ASIC2: variants seen among roughly 807,000 people sequenced by gnomAD.
The protein encoded by ASIC2 is acid sensing ion channel subunit 2.
Under a neutral mutation model 57.3 loss-of-function variants are expected in ASIC2, and 25 were observed. That is an observed-to-expected ratio of 0.44 (90% CI 0.32 to 0.61). ASIC2 has a LOEUF of 0.61. Ranked by LOEUF, ASIC2 falls within the 20% of genes least tolerant of loss-of-function variation. The pLI, the probability that ASIC2 is intolerant of heterozygous loss-of-function variation, is 0.06. For synonymous variants in ASIC2, 319 were observed against 307.5 expected, an observed-to-expected ratio of 1.04 and a Z score of -0.39; for missense variants, 641 against 738.1, an observed-to-expected ratio of 0.87 and a Z score of 1.52.
intron 1 of ASIC2, among the ~76,000 whole-genome samples, chr17:33,947,948 T>G (rs969344841): frequency 4.6e-5 from 7 of 152,244 alleles, no homozygotes; most frequent in Non-Finnish European, 1.0e-4. Flanking sequence ...ATGATTTATC[T>G]CTCCTTGATC....
rs748308827 is a variant in ASIC2 at position 33,016,026 on chromosome 17, T to C, written c.1535A>G (p.Lys512Arg). Residue 512 changes from lysine to arginine, a missense_variant, in exon 9 of 10, where the codon AAG becomes AGG. Lys to Arg is a conservative substitution (Grantham distance 26). Around this residue, in one of 3 missense-constraint regions of ASIC2, gnomAD observed 252 missense variants for 319.8 expected, o/e 0.79. Coordinates refer to ENST00000225823, the MANE Select transcript of ASIC2 (RefSeq NM_183377.2). ...CTCTTTGCCAAGCAGGTCTAATAGC[T>C]TCTCTTTGATCAGCTGCAAGAAAAG... ...FDYIYELIKEKLLDLLGKEED... is the reference protein window; with the variant it reads ...FDYIYELIKERLLDLLGKEED... 1.4e-5 allele frequency: 23 copies of C among 1,613,934 alleles called. No homozygotes were observed. In the East Asian group the frequency reaches 4.9e-4, roughly 34 times the overall value.
At chr17:33,816,926 C>A (rs1239533672) in intron 1 of ASIC2, among the ~76,000 whole-genome samples, 1 of 152,248 alleles carries the variant, frequency 6.6e-6, no homozygotes, top group African/African-American at 2.4e-5. Flanking sequence ...CCAGTGATTG[C>A]AGTTAATGCT....
At chr17:33,344,414 G>A (rs187992448) in intron 1 of ASIC2, among the ~76,000 whole-genome samples, 1 of 152,256 alleles carries the variant, frequency 6.6e-6, no homozygotes, top group Non-Finnish European at 1.5e-5. Flanking sequence ...GGGGCACCAG[G>A]AATGTCTGGA....
chr17:33,172,642 G>T lies in ASIC2; in HGVS notation c.709-60575C>A, dbSNP rs1424816925. On this transcript the variant is annotated intron_variant, in intron 1 of 9. Coordinates refer to ENST00000225823, the MANE Select transcript of ASIC2 (RefSeq NM_183377.2). ...GGAGCAATATTTTCTCCCATGCACG[G>T]AACTTCAGAGTTCACGAGAACTTCT... Among the ~76,000 whole-genome samples, 4 of 152,314 alleles carry T rather than the reference G, an allele frequency of 2.6e-5. No individual in the cohort carries two copies. In the South Asian group the frequency reaches 6.2e-4, roughly 24 times the overall value.
At chr17:33,955,397 G>C (rs533720218) in intron 1 of ASIC2, 12 of 152,252 alleles carry the variant, frequency 7.9e-5, no homozygotes, top group African/African-American at 2.9e-4. Flanking sequence ...CTAATAGGGG[G>C]CACTAGAGGA....
intron 1 of ASIC2, among the ~76,000 whole-genome samples, chr17:33,784,426 A>C (rs1911547153): frequency 6.6e-6 from 1 of 152,214 alleles, no homozygotes; most frequent in Admixed American, 6.5e-5. Context: ...ACCAAGCTTC[A>C]GAAACACTAA....
At chr17:33,607,989 C>T (rs548024759) in intron 1 of ASIC2, among the ~76,000 whole-genome samples, 13 of 152,278 alleles carry the variant, frequency 8.5e-5, no homozygotes, top group African/African-American at 3.1e-4. Context: ...TACCCATGGG[C>T]TGTCAGGACA....
At chr17:33,999,458 C>T (rs1042470131) in intron 1 of ASIC2, among the ~76,000 whole-genome samples, 36 of 151,908 alleles carry the variant, frequency 2.4e-4, no homozygotes, top group Admixed American at 2.2e-3. Flanking sequence ...CTCTGGTTGT[C>T]GTCTTTCATG....
At chr17:34,031,651 G>A (rs1907617235) in intron 1 of ASIC2, among the ~76,000 whole-genome samples, 1 of 152,172 alleles carries the variant, frequency 6.6e-6, no homozygotes, top group Non-Finnish European at 1.5e-5. Flanking sequence ...AATAACCAAT[G>A]GAGAAAAGTC....
chr17:33,962,464 C>T lies in ASIC2; in HGVS notation c.555+193514G>A, dbSNP rs768285573. Among the ~76,000 whole-genome samples the T allele has an allele frequency of 5.9e-5, 9 of 152,164 alleles. No homozygotes were observed. The East Asian group carries it at 9.6e-4, about 16-fold the overall frequency. ...AGGAAAAGAAAAAGCTGGCTCAGTC[C>T]GTTCTTCATCCCAGAGCCACAGTGA... On this transcript the variant is annotated intron_variant, in intron 1 of 9. Coordinates refer to the ASIC2 transcript ENST00000359872.
At chr17:33,693,300 G>GTACTGCATCTAGTACTCCC in intron 1 of ASIC2, among the ~76,000 whole-genome samples, 1 of 152,260 alleles carries the variant, frequency 6.6e-6, no homozygotes, top group Middle Eastern at 3.4e-3. Context: ...CATTAAATTT[G>GTACTGCATCTAGTACTCCC]TAGATGAACT....
At chr17:33,626,694 C>A (rs1160318318) in intron 1 of ASIC2, among the ~76,000 whole-genome samples, 3 of 152,122 alleles carry the variant, frequency 2.0e-5, no homozygotes, top group African/African-American at 7.2e-5. Flanking sequence ...GCACTCCTGA[C>A]ATCCAATCAA....
chr17:34,052,720 G>A (rs1195664495), intron 1 of ASIC2, among the ~76,000 whole-genome samples: 9 of 151,768 alleles, frequency 5.9e-5, no homozygotes, highest in Non-Finnish European at 4.4e-5. Flanking sequence ...GGGTTCAAGC[G>A]ATTCTGCTGC....
intron 1 of ASIC2, among the ~76,000 whole-genome samples, chr17:34,090,886 C>G (rs924810420): frequency 7.9e-5 from 12 of 152,186 alleles, no homozygotes; most frequent in African/African-American, 2.4e-4. Context: ...TTGGAAGGCT[C>G]CAGGAGAAAA....
chr17:33,653,909 T>C (rs1906999300), intron 1 of ASIC2, among the ~76,000 whole-genome samples: 1 of 152,234 alleles, frequency 6.6e-6, no homozygotes, highest in African/African-American at 2.4e-5. Context: ...TCTGTGTACA[T>C]AATCTCATTT....
At chr17:33,701,422 A>T (rs1908697591) in intron 1 of ASIC2, among the ~76,000 whole-genome samples, 1 of 152,216 alleles carries the variant, frequency 6.6e-6, no homozygotes, top group South Asian at 2.1e-4. Context: ...ATCAATAAAT[A>T]AGGAAATAAT....
chr17:33,390,825 G>C (rs1295600674), intron 1 of ASIC2, among the ~76,000 whole-genome samples: 1 of 152,212 alleles, frequency 6.6e-6, no homozygotes, highest in Non-Finnish European at 1.5e-5. Context: ...GAGTCTGTTT[G>C]TCATCTCAGA....
In ASIC2 at chr17:33,587,600, G is replaced by A. The variant is rs146634582; in HGVS notation, c.556-475533C>T. On this transcript the variant is annotated intron_variant, in intron 1 of 9. Transcript: ENST00000359872. ...TGGCTTAGATTGGCTTAGATTGGCCGTGATTGACTGCCATGATTAGCTTAG... is the reference window on the plus strand; with the variant it reads ...TGGCTTAGATTGGCTTAGATTGGCCATGATTGACTGCCATGATTAGCTTAG... Among the ~76,000 whole-genome samples, 13 of 152,338 alleles carry A rather than the reference G, an allele frequency of 8.5e-5. No homozygotes were observed. In the East Asian group the frequency reaches 1.7e-3, roughly 20 times the overall value.
At chr17:33,206,704 A>T (rs73279768) in intron 1 of ASIC2, among the ~76,000 whole-genome samples, 3,715 of 152,146 alleles carry the variant, frequency 0.024, 145 homozygotes, top group African/African-American at 0.085. Flanking sequence ...CTCTGAGGGG[A>T]TACAAATAAA....
Sources: allele counts gnomAD v4.1 joint callset (sites outside exome capture counted in the v4.1 genomes callset), GRCh38; gene constraint gnomAD v4.1.1; regional missense constraint gnomAD v4.1.1; transcripts MANE v1.5; gene names NCBI Gene and HGNC (gene_info 2026-07-23, HGNC 2026-07-21).